Variants in MAST2 observed in about 807,000 individuals in gnomAD.
MAST2 encodes microtubule associated serine/threonine kinase 2, also known as microtubule-associated serine/threonine-protein kinase 2.
Under a neutral mutation model 147.4 loss-of-function variants are expected in MAST2, and 70 were observed. The observed-to-expected ratio is 0.47, with a 90% CI of 0.39 to 0.58. MAST2 has a LOEUF of 0.58. Ranked by LOEUF, MAST2 falls within the 20% of genes least tolerant of loss-of-function variation. The pLI, the probability that MAST2 is intolerant of heterozygous loss-of-function variation, is 0.00. For missense variants in MAST2, 2,080 were observed against 2,302.3 expected, an observed-to-expected ratio of 0.90 and a Z score of 1.98; for synonymous variants, 869 against 896.8, an observed-to-expected ratio of 0.97 and a Z score of 0.55.
intron 4 of MAST2, among the ~76,000 whole-genome samples, chr1:45,949,141 A>G (rs1315499624): frequency 1.3e-5 from 2 of 151,198 alleles, no homozygotes; most frequent in Non-Finnish European, 3.0e-5. Context: ...AGACAACCTA[A>G]GCAGTACCAT....
chr1:46,035,592 C>T lies in MAST2; in HGVS notation c.4923C>T (p.Ser1641=). The T allele has an allele frequency of 6.2e-7, 1 of 1,613,794 alleles. No individual in the cohort carries two copies. The highest frequency in any genetic ancestry group is 8.5e-7 in the Non-Finnish European group (1 of 1,180,002). ...SPSTSGLTPT[S]SCSPPSSTSG... is the part of the protein sequence containing the mutation. ...GCACTTCGGGACTCACCCCCACCAG[C>T]AGTTGCTCTCCTCCCAGCTCCACCT... is the stretch of plus-strand genomic sequence containing the variant. Residue 1641 remains serine (S), a synonymous_variant, in exon 29 of 29, where the codon AGC becomes AGT. Coordinates refer to ENST00000361297, the MANE Select transcript of MAST2 (RefSeq NM_015112.3). The surrounding 1 kb of genome is among the most constrained non-coding windows in gnomAD (Gnocchi z 5.5).
intron 4 of MAST2, among the ~76,000 whole-genome samples, chr1:45,952,652 G>A (rs955255322): frequency 1.3e-5 from 2 of 152,092 alleles, no homozygotes; most frequent in African/African-American, 4.8e-5. Flanking sequence ...AATAACAGGA[G>A]CCATAAGACT....
rs750034446 is a variant in MAST2, at chr1:46,021,960, C to T, written c.1301C>T (p.Pro434Leu). The change falls in exon 12 of 29, where the codon CCT becomes CTT. Residue 434 changes from proline (P) to leucine (L), a missense_variant. Physicochemically the swap from Pro to Leu is moderately conservative, Grantham distance 98. Around this residue, in one of 4 missense-constraint regions of MAST2, gnomAD observed 569 missense variants for 642.5 expected, o/e 0.89. Coordinates refer to ENST00000361297, the MANE Select transcript of MAST2 (RefSeq NM_015112.3). ...ARLLECLEFD[P>L]EEFYHLLEAA... The stretch of plus-strand genomic sequence containing the variant: ...TCTCCCTTGGTACAGGAGTTTGACC[C>T]TGAAGAGTTCTACCACCTTTTAGAA... 1.2e-6 allele frequency: 2 copies of T among 1,614,074 alleles called. No individual in the cohort carries two copies. Among genetic ancestry groups the T allele is most frequent in the African/African-American group, 2.7e-5 (2 of 74,940 alleles).
intron 10 of MAST2, among the ~76,000 whole-genome samples, chr1:46,018,165 C>G (rs1311989973): frequency 6.6e-6 from 1 of 152,184 alleles, no homozygotes; most frequent in East Asian, 1.9e-4. Flanking sequence ...CTTTGCTGCC[C>G]ACCTCTTCCT....
chr1:45,834,304 G>A (rs1160390840), intron 3 of MAST2, among the ~76,000 whole-genome samples: 3 of 152,164 alleles, frequency 2.0e-5, no homozygotes, highest in African/African-American at 7.2e-5. Flanking sequence ...ATGATAACTG[G>A]TAGGAGGTTA....
intron 4 of MAST2, among the ~76,000 whole-genome samples, chr1:45,891,513 G>A (rs1033628845): frequency 2.6e-5 from 4 of 151,970 alleles, no homozygotes; most frequent in Non-Finnish European, 1.5e-5. Context: ...TTCACATAAC[G>A]TCAGTTACCT....
chr1:46,022,244 C>T (rs1299611322), intron 12 of MAST2, among the ~76,000 whole-genome samples, 162 bp downstream of exon 12: 2 of 152,216 alleles, frequency 1.3e-5, no homozygotes, highest in African/African-American at 2.4e-5. Context: ...TGTGACAAAA[C>T]AGTCTTTACT....
At chr1:45,869,572 A>G (rs1646295216) in intron 3 of MAST2, among the ~76,000 whole-genome samples, 1 of 152,176 alleles carries the variant, frequency 6.6e-6, no homozygotes, top group Admixed American at 6.5e-5. Context: ...CTGCTGCTTT[A>G]TGTATTTACT....
intron 4 of MAST2, among the ~76,000 whole-genome samples, chr1:45,944,218 C>G (rs141746091): frequency 3.3e-4 from 50 of 152,316 alleles, no homozygotes; most frequent in African/African-American, 1.2e-3. Context: ...TTCTTGTACT[C>G]TTTACATACG....
chr1:45,857,429 A>C (rs1645824892), intron 3 of MAST2, among the ~76,000 whole-genome samples: 1 of 152,290 alleles, frequency 6.6e-6, no homozygotes, highest in Non-Finnish European at 1.5e-5. Context: ...AAGGAATTTT[A>C]CTTGATTGAT....
At chr1:45,937,620 C>T (rs949167480) in intron 4 of MAST2, among the ~76,000 whole-genome samples, 2 of 151,604 alleles carry the variant, frequency 1.3e-5, no homozygotes, top group Non-Finnish European at 2.9e-5. Context: ...GGTGTAGTGT[C>T]GCGTGCCTGT....
In MAST2 at chr1:46,033,863, C is replaced by G; in HGVS notation, c.3599C>G (p.Pro1200Arg). ...PLENTSIKVG[P>R]ARKGSYKAKM... ...GAGAACACATCCATTAAAGTGGGGC[C>G]AGCTCGGAAGGGCAGCTACAAGGCC... Residue 1200 changes from proline (P) to arginine (R), a missense_variant, in exon 27 of 29, where the codon CCA becomes CGA. Pro to Arg is a moderately radical substitution (Grantham distance 103). Coordinates refer to ENST00000361297, the MANE Select transcript of MAST2 (RefSeq NM_015112.3). The G allele has an allele frequency of 6.2e-7, 1 of 1,614,196 alleles. No individual in the cohort carries two copies. Among genetic ancestry groups the G allele is most frequent in the Non-Finnish European group, 8.5e-7 (1 of 1,180,036 alleles).
chr1:45,994,297 T>TTTTG (rs1440253325), intron 5 of MAST2, among the ~76,000 whole-genome samples: 9 of 144,952 alleles, frequency 6.2e-5, no homozygotes, highest in African/African-American at 2.1e-4. Context: ...TTTTTTTTTT[T>TTTTG]TTGAGAAGGA....
chr1:46,002,951 T>C (rs1031429316), intron 7 of MAST2, 68 bp downstream of exon 7: 1 of 1,454,332 alleles, frequency 6.9e-7, no homozygotes, highest in African/African-American at 1.4e-5. Context: ...GGTTATCTAG[T>C]GTCACAAAAT....
intron 3 of MAST2, among the ~76,000 whole-genome samples, chr1:45,881,085 G>A (rs951869680): frequency 5.3e-5 from 8 of 152,010 alleles, no homozygotes; most frequent in African/African-American, 1.9e-4. Flanking sequence ...CAGTTGTTTT[G>A]GAGAGCAATT....
chr1:46,032,123 C>A, intron 24 of MAST2, 55 bp from the exon 25 acceptor site: 1 of 1,361,056 alleles, frequency 7.3e-7, no homozygotes, highest in Non-Finnish European at 1.1e-6. Flanking sequence ...CAGACTGGAC[C>A]AGGGGCCAGG....
Position 46,023,077 on chromosome 1 carries a change from G to A in MAST2, c.1485+106G>A, listed in dbSNP as rs1222349839. On this transcript the variant is annotated intron_variant, in intron 13 of 28. Coordinates refer to ENST00000361297, the MANE Select transcript of MAST2 (RefSeq NM_015112.3). This position sits in a 1 kb window ranked among gnomAD's most constrained non-coding sequence, Gnocchi z 4.9. ...ATCTGAGGAAGGGATGGGGGAGTTG[G>A]TGACAGCAAACACTGAGAAGTCATT... The A allele has an allele frequency of 1.4e-5, 18 of 1,261,874 alleles. No homozygotes were observed. The highest frequency in any genetic ancestry group is 7.0e-5 in the East Asian group (3 of 43,112). 78.2% of individuals were successfully genotyped at this position (1,261,874 alleles called of 1,614,324 possible).
chr1:45,879,842 G>A (rs1246641624), intron 3 of MAST2, among the ~76,000 whole-genome samples: 1 of 152,130 alleles, frequency 6.6e-6, no homozygotes, highest in African/African-American at 2.4e-5. Context: ...GCCACAATGA[G>A]ATACCCGTAC....
chr1:45,860,612 A>C (rs1236845844), intron 3 of MAST2, among the ~76,000 whole-genome samples: 1 of 152,058 alleles, frequency 6.6e-6, no homozygotes, highest in African/African-American at 2.4e-5. Flanking sequence ...CAGGCGGATC[A>C]CCTGAGGTCA....
Sources: allele counts gnomAD v4.1 joint callset (sites outside exome capture counted in the v4.1 genomes callset), GRCh38; gene constraint gnomAD v4.1.1; regional missense constraint gnomAD v4.1.1; non-coding constraint Gnocchi (gnomAD v3.1); transcripts MANE v1.5; gene names NCBI Gene and HGNC (gene_info 2026-07-23, HGNC 2026-07-21).